NALF1: variants seen among roughly 807,000 people sequenced by gnomAD.
The protein encoded by NALF1 is family with sequence similarity 155 member A.
A neutral mutation model predicts 48.4 loss-of-function variants in NALF1; 3 were observed. That is an observed-to-expected ratio of 0.06 (90% CI 0.03 to 0.16). NALF1 has a LOEUF of 0.16. Ranked by LOEUF, NALF1 falls within the 10% of genes least tolerant of loss-of-function variation. NALF1 has a pLI of 1.00. For synonymous variants in NALF1, 262 were observed against 245.7 expected (o/e 1.07, Z -0.62); for missense variants, 526 against 571.5 (o/e 0.92, Z 0.81).
At chr13:107,467,814 G>A (rs954867699) in intron 1 of NALF1, among the ~76,000 whole-genome samples, 16 of 152,142 alleles carry the variant, frequency 1.1e-4, no homozygotes, top group Non-Finnish European at 2.2e-4. Context: ...ACCGAGGCGG[G>A]TGGATCATGA....
At chr13:107,843,462 G>T (rs1509092) in intron 1 of NALF1, among the ~76,000 whole-genome samples, 53,901 of 151,960 alleles carry the variant, frequency 0.35, 12,060 homozygotes, top group Non-Finnish European at 0.51. Flanking sequence ...CTTTGTCAAT[G>T]GTCAAGTCTT....
chr13:107,357,104 C>T (rs1270266413), intron 1 of NALF1, among the ~76,000 whole-genome samples: 9 of 152,128 alleles, frequency 5.9e-5, no homozygotes, highest in Admixed American at 5.9e-4. Context: ...TTGCATTAGT[C>T]CATTTTTACA....
At chr13:107,356,042 C>T (rs1882957607) in intron 1 of NALF1, among the ~76,000 whole-genome samples, 1 of 152,136 alleles carries the variant, frequency 6.6e-6, no homozygotes, top group Non-Finnish European at 1.5e-5. Context: ...CAAGTTATTG[C>T]CTTTCTTAAA....
intron 1 of NALF1, among the ~76,000 whole-genome samples, chr13:107,357,618 T>C (rs374107164): frequency 7.9e-5 from 12 of 151,852 alleles, no homozygotes; most frequent in African/African-American, 2.7e-4. Flanking sequence ...ATAAAAGGAG[T>C]AGCTTTGAAG....
At chr13:107,301,446 A>G (rs1881835375) in intron 1 of NALF1, among the ~76,000 whole-genome samples, 1 of 152,240 alleles carries the variant, frequency 6.6e-6, no homozygotes, top group Non-Finnish European at 1.5e-5. Flanking sequence ...CCTCCAAAAC[A>G]TGGACAACAA....
intron 1 of NALF1, among the ~76,000 whole-genome samples, chr13:107,232,956 T>C (rs1299487281): frequency 6.6e-6 from 1 of 152,198 alleles, no homozygotes; most frequent in East Asian, 1.9e-4. Context: ...CACTTGCCTA[T>C]GGTTACACAG....
intron 1 of NALF1, among the ~76,000 whole-genome samples, chr13:107,859,080 G>A (rs988063492): frequency 8.6e-5 from 13 of 151,972 alleles, no homozygotes; most frequent in Admixed American, 1.3e-4. Context: ...AGTTCCCCAC[G>A]GTACACAGGC....
intron 2 of NALF1, among the ~76,000 whole-genome samples, chr13:107,179,139 A>G (rs540072188): frequency 2.0e-5 from 3 of 152,200 alleles, no homozygotes; most frequent in African/African-American, 7.2e-5. Context: ...AAATGGGTAG[A>G]GAAAATGTGG....
chr13:107,768,000 C>A (rs1043245475), intron 1 of NALF1, among the ~76,000 whole-genome samples: 2 of 152,102 alleles, frequency 1.3e-5, no homozygotes, highest in Non-Finnish European at 2.9e-5. Flanking sequence ...CCTCAGAACC[C>A]GTCTATGATG....
At chr13:107,575,312 A>T (rs1162600933) in intron 1 of NALF1, among the ~76,000 whole-genome samples, 1 of 152,176 alleles carries the variant, frequency 6.6e-6, no homozygotes, top group Non-Finnish European at 1.5e-5. Flanking sequence ...CTCAATTTGC[A>T]TTTAAAAAGA....
intron 1 of NALF1, among the ~76,000 whole-genome samples, chr13:107,613,869 T>C (rs930696715): frequency 6.6e-6 from 1 of 152,218 alleles, no homozygotes; most frequent in Non-Finnish European, 1.5e-5. Flanking sequence ...TCTACACTCA[T>C]GGAGTGACCA....
chr13:107,371,362 G>A (rs563357162), intron 1 of NALF1, among the ~76,000 whole-genome samples: 17 of 152,064 alleles, frequency 1.1e-4, no homozygotes, highest in Non-Finnish European at 1.8e-4. Flanking sequence ...TAGAAGGATC[G>A]CTTGAGCCCA....
chr13:107,605,461 T>C (rs1879039854), intron 1 of NALF1, among the ~76,000 whole-genome samples: 1 of 152,168 alleles, frequency 6.6e-6, no homozygotes, highest in East Asian at 1.9e-4. Flanking sequence ...GACGACAAAT[T>C]CATTATTAGG....
At chr13:107,759,452 C>T (rs1877204551) in intron 1 of NALF1, among the ~76,000 whole-genome samples, 1 of 152,214 alleles carries the variant, frequency 6.6e-6, no homozygotes, top group African/African-American at 2.4e-5. Flanking sequence ...TCAGGATCCA[C>T]CCACCTCGCC....
At chr13:107,750,127 G>A (rs546077956) in intron 1 of NALF1, among the ~76,000 whole-genome samples, 53 of 152,258 alleles carry the variant, frequency 3.5e-4, no homozygotes, top group African/African-American at 1.3e-3. Context: ...ATGATTTAAA[G>A]CATTGCCTCG....
chr13:107,216,616 C>T (rs185007789), intron 1 of NALF1, among the ~76,000 whole-genome samples: 19 of 152,262 alleles, frequency 1.2e-4, no homozygotes, highest in Admixed American at 9.2e-4. Flanking sequence ...GGTGGTGACC[C>T]ACTTTTTGAA....
intron 1 of NALF1, among the ~76,000 whole-genome samples, chr13:107,422,473 GTCATCATCA>G (rs71121528): frequency 6.0e-5 from 9 of 151,206 alleles, no homozygotes; most frequent in Non-Finnish European, 1.0e-4. Context: ...AATCATAACA[GTCATCATCA>G]TCATCATCAT....
chr13:107,464,861 C>T (rs1005294783), intron 1 of NALF1, among the ~76,000 whole-genome samples: 7 of 152,172 alleles, frequency 4.6e-5, no homozygotes, highest in African/African-American at 1.4e-4. Flanking sequence ...GTATGCTCAA[C>T]ATACAAAAAG....
chr13:107,556,290 TATATATACACACAC>T (rs1877475120), intron 1 of NALF1, among the ~76,000 whole-genome samples: 1 of 137,416 alleles, frequency 7.3e-6, no homozygotes, highest in Non-Finnish European at 1.6e-5. Flanking sequence ...TATATATATA[TATATATACACACAC>T]ACACACACAC....
Sources: allele counts gnomAD v4.1 joint callset (sites outside exome capture counted in the v4.1 genomes callset), GRCh38; gene constraint gnomAD v4.1.1; transcripts MANE v1.5; gene names NCBI Gene and HGNC (gene_info 2026-07-23, HGNC 2026-07-21).